Variants in CPA6 observed in about 807,000 individuals in gnomAD.
The protein encoded by CPA6 is carboxypeptidase A6.
Under a neutral mutation model 63.3 loss-of-function variants are expected in CPA6, and 58 were observed. The observed-to-expected ratio is 0.92, with a 90% CI of 0.74 to 1.14. The LOEUF (loss-of-function observed/expected upper bound fraction) is 1.14. Ranked by LOEUF, CPA6 falls within the 50% of genes most tolerant of loss-of-function variation. CPA6 has a pLI of 0.00. For missense variants in CPA6, 565 were observed against 526.6 expected (o/e 1.07, Z -0.71); for synonymous variants, 185 against 179.0 (o/e 1.03, Z -0.27).
Position 67,434,222 on chromosome 8 carries a change from T to C in CPA6, c.857A>G (p.His286Arg). The C allele has an allele frequency of 6.2e-7, 1 of 1,613,944 alleles. No individual in the cohort carries two copies. The highest frequency in any genetic ancestry group is 8.5e-7 in the Non-Finnish European group (1 of 1,179,938). ...GCCACAGTATGTGTCATCACAAGGG[T>C]GCATAGAAGCTCCTTCATCTGCAAG... ...VKWCDEGASM[H>R]PCDDTYCGPF... Residue 286 changes from histidine (H) to arginine (R), a missense_variant, in exon 9 of 11, where the codon CAC becomes CGC. Coordinates refer to ENST00000297770, the MANE Select transcript of CPA6 (RefSeq NM_020361.5).
chr8:67,738,533 GAAAC>G (rs1817856042), intron 1 of CPA6, among the ~76,000 whole-genome samples: 1 of 151,468 alleles, frequency 6.6e-6, no homozygotes, highest in Non-Finnish European at 1.5e-5. Flanking sequence ...GCAAAACTAA[GAAAC>G]AAACAAAAAA....
chr8:67,606,732 A>T (rs535197309), intron 2 of CPA6, among the ~76,000 whole-genome samples: 1 of 152,226 alleles, frequency 6.6e-6, no homozygotes, highest in South Asian at 2.1e-4. Context: ...CTGCTCTCTG[A>T]TATCTCTGGA....
intron 2 of CPA6, among the ~76,000 whole-genome samples, chr8:67,528,937 G>C (rs1812421508): frequency 6.6e-6 from 1 of 151,298 alleles, no homozygotes; most frequent in African/African-American, 2.4e-5. Flanking sequence ...TCTAAGGAGA[G>C]ACTATTGAAA....
intron 1 of CPA6, among the ~76,000 whole-genome samples, chr8:67,713,708 G>T (rs1817320725): frequency 6.6e-6 from 1 of 152,198 alleles, no homozygotes; most frequent in Non-Finnish European, 1.5e-5. Context: ...CATAGCATTT[G>T]ACACAGTGAG....
intron 1 of CPA6, among the ~76,000 whole-genome samples, chr8:67,641,787 C>T (rs1024469316): frequency 2.6e-5 from 4 of 151,710 alleles, no homozygotes; most frequent in African/African-American, 7.3e-5. Context: ...TGCCAGTTTT[C>T]ATAGATGATA....
intron 2 of CPA6, among the ~76,000 whole-genome samples, chr8:67,571,175 T>C (rs1772742794): frequency 6.6e-6 from 1 of 152,090 alleles, no homozygotes; most frequent in Non-Finnish European, 1.5e-5. Flanking sequence ...ACATGTGCAC[T>C]CCACAGTGGA....
intron 1 of CPA6, among the ~76,000 whole-genome samples, chr8:67,707,704 C>T (rs553867718): frequency 3.9e-5 from 6 of 152,186 alleles, no homozygotes; most frequent in South Asian, 2.1e-4. Flanking sequence ...GTCAGGAGTT[C>T]AAGACCAGCC....
intron 8 of CPA6, among the ~76,000 whole-genome samples, chr8:67,445,650 TTAAA>T (rs1157935751): frequency 2.6e-5 from 4 of 152,186 alleles, no homozygotes; most frequent in African/African-American, 9.7e-5. Context: ...GAAATCTAAC[TTAAA>T]TAACTTAGTG....
chr8:67,686,079 T>G (rs1049626237), intron 1 of CPA6, among the ~76,000 whole-genome samples: 2 of 152,250 alleles, frequency 1.3e-5, no homozygotes, highest in Non-Finnish European at 2.9e-5. Flanking sequence ...ATGCATAGCA[T>G]ATAGTAGGTC....
chr8:67,475,827 C>CT (rs1308369165), intron 8 of CPA6, among the ~76,000 whole-genome samples: 1,119 of 41,866 alleles, frequency 0.027, 5 homozygotes, highest in Middle Eastern at 0.077. Flanking sequence ...CCTTTCTTTT[C>CT]TTTCTTTCTT....
Position 67,509,536 on chromosome 8 carries a change from C to A in CPA6, c.515G>T (p.Arg172Ile). ...MFSIGRSYEG[R>I]SLFILKLGRR... ...TTTTACCTTTAAAATAAAAAGAGAT[C>A]TTCCCTCATATGATCTTCCAATAGA... Residue 172 changes from arginine (R) to isoleucine (I), a missense_variant, in exon 5 of 11, where the codon AGA (arginine) becomes ATA (isoleucine). By Grantham distance (97) the Arg-to-Ile change is moderately conservative (BLOSUM62 -3). Transcript: ENST00000297770. 1.3e-6 allele frequency: 2 copies of A among 1,557,138 alleles called. No homozygotes were observed. Among genetic ancestry groups the A allele is most frequent in the Non-Finnish European group, 8.8e-7 (1 of 1,135,316 alleles).
chr8:67,579,036 A>G (rs1813697382), intron 2 of CPA6, among the ~76,000 whole-genome samples: 1 of 152,254 alleles, frequency 6.6e-6, no homozygotes, highest in South Asian at 2.1e-4. Flanking sequence ...AAAACCTTTA[A>G]TATATTTAAA....
chr8:67,481,819 C>G (rs1010210260), intron 8 of CPA6, among the ~76,000 whole-genome samples: 2 of 152,158 alleles, frequency 1.3e-5, no homozygotes, highest in Non-Finnish European at 1.5e-5. Context: ...GGACCTGACC[C>G]TGGGAGGGAG....
chr8:67,495,180 A>G (rs1159527676), intron 6 of CPA6, among the ~76,000 whole-genome samples: 1 of 152,162 alleles, frequency 6.6e-6, no homozygotes, highest in Non-Finnish European at 1.5e-5. Flanking sequence ...GGTCCTGCCA[A>G]TGCTTCAAAT....
At position 67,550,635 on chromosome 8, in the gene CPA6, A is replaced by C. The variant is rs146471410; in HGVS notation, c.193-32588T>G. On this transcript the variant is annotated intron_variant, in intron 2 of 10. Transcript: ENST00000297770. ...CAGAACTGCTTTCCACAGTGGCTGC[A>C]CTAATTTATATTCCGACCAGCTGGG... Among the ~76,000 whole-genome samples, 7 of 152,332 alleles carry C rather than the reference A, an allele frequency of 4.6e-5. No individual in the cohort carries two copies. The South Asian group carries it at 8.3e-4, about 18-fold the overall frequency.
intron 1 of CPA6, among the ~76,000 whole-genome samples, chr8:67,745,277 C>A (rs1817986685): frequency 6.6e-6 from 1 of 152,182 alleles, no homozygotes; most frequent in South Asian, 2.1e-4. Flanking sequence ...CTAAGAACGA[C>A]CCCCTGCATA....
At chr8:67,500,546 A>G (rs1030337397) in intron 6 of CPA6, among the ~76,000 whole-genome samples, 1 of 152,170 alleles carries the variant, frequency 6.6e-6, no homozygotes, top group African/African-American at 2.4e-5. Flanking sequence ...TTGATAATGT[A>G]CAATGTATCT....
At chr8:67,629,305 AAAATAAAT>A (rs558176637) in intron 1 of CPA6, among the ~76,000 whole-genome samples, 64 of 151,502 alleles carry the variant, frequency 4.2e-4, no homozygotes, top group African/African-American at 1.4e-3. Context: ...TGTCTCCGCA[AAAATAAAT>A]AAATAAATAA....
chr8:67,736,231 A>G (rs1205618528), intron 1 of CPA6, among the ~76,000 whole-genome samples: 31 of 152,124 alleles, frequency 2.0e-4, no homozygotes, highest in Non-Finnish European at 1.5e-5. Context: ...GTAAAATATG[A>G]GCATATCTTT....
Sources: gnomAD v4.1 joint callset for allele counts (sites outside exome capture counted in the v4.1 genomes callset) on GRCh38, gnomAD v4.1.1 for gene constraint, MANE v1.5 for transcripts, NCBI Gene and HGNC (gene_info 2026-07-23, HGNC 2026-07-21) for gene names.